Variants in PDE4D observed in about 807,000 individuals in gnomAD.
The protein encoded by PDE4D is 3',5'-cyclic-AMP phosphodiesterase 4D.
Under a neutral mutation model 87.4 loss-of-function variants are expected in PDE4D, and 24 were observed. That is an observed-to-expected ratio of 0.27 (90% confidence interval 0.20 to 0.39). PDE4D has a LOEUF of 0.39. Among genes scored for constraint, PDE4D ranks in the 10% least tolerant of loss-of-function variants. The pLI is 1.00. For missense variants in PDE4D, 714 were observed against 1,041.0 expected (o/e 0.69, Z 4.32); for synonymous variants, 384 against 383.2 (o/e 1.00, Z -0.02).
chr5:60,126,827 T>C (rs1036081111), intron 2 of PDE4D, among the ~76,000 whole-genome samples: 3 of 152,170 alleles, frequency 2.0e-5, no homozygotes, highest in African/African-American at 4.8e-5. Context: ...GTGTGAGACA[T>C]TGTTCTAGGT....
At chr5:59,683,951 C>A (rs762371062) in intron 1 of PDE4D, among the ~76,000 whole-genome samples, 3 of 152,144 alleles carry the variant, frequency 2.0e-5, no homozygotes, top group African/African-American at 7.2e-5. Context: ...TTGCCAAGAC[C>A]CGATGCCCCA....
At position 59,676,134 on chromosome 5, in the gene PDE4D, C is replaced by G. The variant is rs1425262996; in HGVS notation, c.455+217034G>C. ...ACACACACACATTTAATAACACAAG[C>G]ATGCACTTTTGTGAAATAGAATACG... On this transcript the variant is annotated intron_variant, in intron 1 of 14. Transcript: ENST00000340635. Among the ~76,000 whole-genome samples, 5 of 151,946 alleles carry G rather than the reference C, an allele frequency of 3.3e-5. No homozygotes were observed. In the East Asian group the frequency reaches 9.6e-4, roughly 29 times the overall value.
At chr5:59,397,846 A>G (rs1789757489) in intron 1 of PDE4D, among the ~76,000 whole-genome samples, 1 of 108,920 alleles carries the variant, frequency 9.2e-6, no homozygotes, top group Non-Finnish European at 1.9e-5. Flanking sequence ...AGACTAATAA[A>G]GAAAAAAAGA....
intron 2 of PDE4D, among the ~76,000 whole-genome samples, chr5:60,088,567 T>C (rs1774780862): frequency 6.6e-6 from 1 of 151,974 alleles, no homozygotes; most frequent in African/African-American, 2.4e-5. Flanking sequence ...TTTATTTGCA[T>C]CAAAGTTAAA....
intron 1 of PDE4D, among the ~76,000 whole-genome samples, chr5:60,512,711 T>C (rs1583966010): frequency 6.6e-6 from 1 of 152,172 alleles, no homozygotes; most frequent in Middle Eastern, 3.4e-3. Flanking sequence ...ATAAAGACAT[T>C]TTCAGAAAAA....
chr5:59,114,790 G>A (rs1011096639), intron 5 of PDE4D, among the ~76,000 whole-genome samples: 1 of 151,878 alleles, frequency 6.6e-6, no homozygotes, highest in Admixed American at 6.6e-5. Flanking sequence ...ATATCTACTT[G>A]GTTTGGCAAT....
chr5:60,155,861 T>C (rs1781928508), intron 2 of PDE4D, among the ~76,000 whole-genome samples: 1 of 152,234 alleles, frequency 6.6e-6, no homozygotes, highest in Non-Finnish European at 1.5e-5. Context: ...TAGCTTTTCA[T>C]TAAATGAATC....
At chr5:60,428,601 T>A (rs1743921541) in intron 1 of PDE4D, among the ~76,000 whole-genome samples, 1 of 152,210 alleles carries the variant, frequency 6.6e-6, no homozygotes, top group Non-Finnish European at 1.5e-5. Context: ...AAATTATAGT[T>A]ATCACTGAGG....
In PDE4D at chr5:59,952,388, C is replaced by T. The variant is rs189799282; in HGVS notation, c.272+36100G>A. On this transcript the variant is annotated intron_variant, in intron 3 of 16. Transcript: ENST00000502484. ...CCATCCAACCCTGCTCCCTCTTTCT[C>T]GTCACTTCAAGCTCTAAGCTTTCAT... Among the ~76,000 whole-genome samples, 322 of 152,328 alleles carry T rather than the reference C, an allele frequency of 2.1e-3. 4 individuals carry two copies. Among genetic ancestry groups the T allele is most frequent in the Non-Finnish European group, 7.9e-4 (54 of 68,030 alleles).
At chr5:59,097,333 C>T (rs573451245) in intron 5 of PDE4D, among the ~76,000 whole-genome samples, 6 of 152,272 alleles carry the variant, frequency 3.9e-5, no homozygotes, top group South Asian at 2.1e-4. Flanking sequence ...GTCTTCCTGA[C>T]GATAGTTATT....
chr5:60,098,891 G>A (rs1775962024), intron 2 of PDE4D, among the ~76,000 whole-genome samples: 1 of 151,980 alleles, frequency 6.6e-6, no homozygotes, highest in African/African-American at 2.4e-5. Flanking sequence ...TGAGTATGAT[G>A]TTAGCTATGG....
rs116743334 is a variant in PDE4D at position 59,692,160 on chromosome 5, T to C, written c.455+201008A>G. On this transcript the variant is annotated intron_variant, in intron 1 of 14. Coordinates refer to ENST00000340635, the MANE Select transcript of PDE4D (RefSeq NM_001104631.2). ...GATACGTAGAATATCCTTTGTTCCA[T>C]TTTTGAATTGATAGTGCAATTAGTT... is the stretch of plus-strand genomic sequence containing the variant. Among the ~76,000 whole-genome samples the C allele has an allele frequency of 9.3e-3, 1,414 of 152,300 alleles. 25 individuals carry two copies. Among genetic ancestry groups the C allele is most frequent in the African/African-American group, 0.032 (1,350 of 41,568 alleles).
At chr5:59,149,266 C>A (rs1425882551) in intron 5 of PDE4D, among the ~76,000 whole-genome samples, 1 of 152,152 alleles carries the variant, frequency 6.6e-6, no homozygotes, top group Non-Finnish European at 1.5e-5. Flanking sequence ...TTAGATGTTT[C>A]TTCTTAATCA....
intron 2 of PDE4D, among the ~76,000 whole-genome samples, chr5:59,202,688 T>C (rs927516129): frequency 5.9e-5 from 9 of 152,148 alleles, no homozygotes; most frequent in African/African-American, 1.9e-4. Flanking sequence ...ATGAGTCTTA[T>C]GAGATCTAAT....
chr5:59,030,130 G>T (rs1432105245), intron 6 of PDE4D, among the ~76,000 whole-genome samples: 1 of 152,074 alleles, frequency 6.6e-6, no homozygotes, highest in African/African-American at 2.4e-5. Context: ...TCTGGGCAAT[G>T]ATTTCTTGGA....
At chr5:60,381,359 T>G (rs2150006624) in intron 1 of PDE4D, among the ~76,000 whole-genome samples, 1 of 152,332 alleles carries the variant, frequency 6.6e-6, no homozygotes, top group Non-Finnish European at 1.5e-5. Flanking sequence ...GGAAAAAAAC[T>G]TTTAGAAGCT....
intron 1 of PDE4D, among the ~76,000 whole-genome samples, chr5:60,446,483 A>G (rs564370479): frequency 6.6e-6 from 1 of 152,252 alleles, no homozygotes; most frequent in East Asian, 1.9e-4. Context: ...GGGAAAACAG[A>G]CTTCAAAATC....
chr5:60,475,002 A>G (rs1748198158), intron 1 of PDE4D, among the ~76,000 whole-genome samples: 2 of 152,210 alleles, frequency 1.3e-5, no homozygotes, highest in Non-Finnish European at 2.9e-5. Context: ...TTTTTTTAAG[A>G]AAAAATAAAT....
At chr5:60,516,958 C>T (rs1750826727) in intron 1 of PDE4D, among the ~76,000 whole-genome samples, 1 of 152,138 alleles carries the variant, frequency 6.6e-6, no homozygotes, top group Non-Finnish European at 1.5e-5. Flanking sequence ...GGCACAGCTG[C>T]AGCCACCCAG....
Sources: allele counts gnomAD v4.1 joint callset (sites outside exome capture counted in the v4.1 genomes callset), GRCh38; gene constraint gnomAD v4.1.1; transcripts MANE v1.5; gene names NCBI Gene and HGNC (gene_info 2026-07-23, HGNC 2026-07-21).